The following CAB39 variants were observed in gnomAD, a reference collection of about 807,000 sequenced individuals.
CAB39 encodes calcium binding protein 39.
In CAB39, 8 loss-of-function variants were observed where a neutral mutation model predicts 40.0. That is an observed-to-expected ratio of 0.20 (90% CI 0.12 to 0.36). CAB39 has a LOEUF of 0.36. CAB39 is among the 10% of genes least tolerant of loss of function. The pLI, the probability that CAB39 is intolerant of heterozygous loss-of-function variation, is 1.00. For missense variants in CAB39, 270 were observed against 401.1 expected, an observed-to-expected ratio of 0.67 and a Z score of 2.79; for synonymous variants, 156 against 141.6, an observed-to-expected ratio of 1.10 and a Z score of -0.72.
rs75867103 is a variant in CAB39, at chr2:230,766,885, A to G, written c.114+6770A>G. ...AACAGATATCCCAATCATATCACCA[A>G]CCATATCTAGAAAATGTAATTTTAC... is the stretch of plus-strand genomic sequence containing the variant. On this transcript the variant is annotated intron_variant, in intron 2 of 8. Transcript: ENST00000258418. 8.4e-3 allele frequency among the ~76,000 whole-genome samples: 1,272 copies of G among 152,292 alleles called. 9 individuals are homozygous for G. Among genetic ancestry groups the G allele is most frequent in the African/African-American group, 0.024 (993 of 41,560 alleles).
chr2:230,755,675 A>G (rs1025356078), intron 1 of CAB39, among the ~76,000 whole-genome samples: 1 of 152,056 alleles, frequency 6.6e-6, no homozygotes, highest in Non-Finnish European at 1.5e-5. Context: ...CTTTTATTAC[A>G]TTTGCTTTTG....
chr2:230,762,007 G>A (rs1009682603), intron 2 of CAB39, among the ~76,000 whole-genome samples: 3 of 151,904 alleles, frequency 2.0e-5, no homozygotes, highest in Middle Eastern at 3.4e-3. Flanking sequence ...TTCCATGTTC[G>A]AGCAGTTCTC....
intron 1 of CAB39, chr2:230,714,119 T>G (rs552968444): frequency 6.6e-6 from 1 of 152,104 alleles, no homozygotes; most frequent in African/African-American, 2.4e-5. Flanking sequence ...ATAATTCCGT[T>G]TGTTGGCATG....
intron 1 of CAB39, among the ~76,000 whole-genome samples, chr2:230,741,237 A>G (rs1462687335): frequency 6.6e-6 from 1 of 152,224 alleles, no homozygotes; most frequent in East Asian, 1.9e-4. Flanking sequence ...GACACCACAC[A>G]GGTTAGTGTG....
At chr2:230,777,986 C>G (rs1695623563) in intron 2 of CAB39, among the ~76,000 whole-genome samples, 1 of 152,116 alleles carries the variant, frequency 6.6e-6, no homozygotes, top group South Asian at 2.1e-4. Flanking sequence ...ATTTATTTTC[C>G]TACCAGTGGC....
At chr2:230,783,410 G>A (rs965638836) in intron 2 of CAB39, among the ~76,000 whole-genome samples, 3 of 150,350 alleles carry the variant, frequency 2.0e-5, no homozygotes, top group African/African-American at 4.9e-5. Flanking sequence ...TTATTTCGTT[G>A]CCCGTTCTTA....
At chr2:230,774,222 A>G (rs2124935512) in intron 2 of CAB39, among the ~76,000 whole-genome samples, 1 of 152,278 alleles carries the variant, frequency 6.6e-6, no homozygotes, top group Non-Finnish European at 1.5e-5. Context: ...GGCTTTTTCC[A>G]TCCATTTCTT....
intron 6 of CAB39, among the ~76,000 whole-genome samples, chr2:230,813,687 C>T (rs978825996): frequency 2.0e-5 from 3 of 152,058 alleles, no homozygotes; most frequent in East Asian, 3.9e-4. Flanking sequence ...TGAGAGCAGA[C>T]TCAACAAGCA....
intron 1 of CAB39, among the ~76,000 whole-genome samples, chr2:230,729,182 G>C (rs980897653): frequency 6.6e-6 from 1 of 152,142 alleles, no homozygotes; most frequent in Non-Finnish European, 1.5e-5. Context: ...ACCCTTGGGC[G>C]GTTTGCACCA....
chr2:230,714,414 C>T, intron 1 of CAB39, among the ~76,000 whole-genome samples: 1 of 152,168 alleles, frequency 6.6e-6, no homozygotes, highest in Admixed American at 6.5e-5. Context: ...CCAGGCTAAG[C>T]AAAGTACCTT....
At chr2:230,790,242 C>CAA (rs201133394) in intron 2 of CAB39, among the ~76,000 whole-genome samples, 57 of 145,524 alleles carry the variant, frequency 3.9e-4, no homozygotes, top group South Asian at 1.5e-3. Context: ...GACCCTGTCT[C>CAA]AAAAAAAAAA....
intron 7 of CAB39, among the ~76,000 whole-genome samples, chr2:230,816,912 C>T (rs1352199137): frequency 6.6e-6 from 1 of 152,232 alleles, no homozygotes; most frequent in Admixed American, 6.5e-5. Context: ...CTCCACAGCT[C>T]TGCCACCGCC....
At chr2:230,770,946 G>A (rs549367989) in intron 2 of CAB39, among the ~76,000 whole-genome samples, 2 of 152,208 alleles carry the variant, frequency 1.3e-5, no homozygotes, top group African/African-American at 4.8e-5. Context: ...TACATATGGT[G>A]AAAGGCTAAG....
Position 230,818,531 on chromosome 2 carries a change from C to A in CAB39, c.853C>A (p.Pro285Thr). The A allele has an allele frequency of 6.2e-7, 1 of 1,613,854 alleles. No homozygotes were observed. The highest frequency in any genetic ancestry group is 8.5e-7 in the Non-Finnish European group (1 of 1,179,916). ...CTCCACGCAGGTGTTTGTAGCCAAT[C>A]CTAACAAGACGCAGCCCATCCTAGA... ...FHVFKVFVAN[P>T]NKTQPILDIL... is the part of the protein sequence containing the mutation. Residue 285 changes from proline to threonine, a missense_variant, in exon 9 of 9, where the codon CCT becomes ACT. Transcript: ENST00000258418.
chr2:230,729,959 A>T (rs568708670), intron 1 of CAB39, among the ~76,000 whole-genome samples: 8 of 152,036 alleles, frequency 5.3e-5, no homozygotes, highest in African/African-American at 1.4e-4. Flanking sequence ...AAATGAGAAA[A>T]TTTTTCCAGG....
chr2:230,799,704 A>G (rs947017154), intron 5 of CAB39, among the ~76,000 whole-genome samples: 2 of 152,200 alleles, frequency 1.3e-5, no homozygotes, highest in Non-Finnish European at 1.5e-5. Flanking sequence ...ATATAAACCA[A>G]TACTTGCCAG....
chr2:230,814,542 G>C (rs1195928080), intron 7 of CAB39, among the ~76,000 whole-genome samples: 1 of 152,104 alleles, frequency 6.6e-6, no homozygotes, highest in Non-Finnish European at 1.5e-5. Context: ...ATCAAAGCAG[G>C]ATATCCTTTG....
chr2:230,791,565 G>A (rs768169348), intron 3 of CAB39, among the ~76,000 whole-genome samples: 3 of 152,062 alleles, frequency 2.0e-5, no homozygotes, highest in Admixed American at 6.5e-5. Flanking sequence ...ATTTATACAC[G>A]GTCTGAATTT....
chr2:230,814,547 C>G (rs1415845556), intron 7 of CAB39, among the ~76,000 whole-genome samples: 2 of 152,022 alleles, frequency 1.3e-5, no homozygotes, highest in Non-Finnish European at 2.9e-5. Context: ...AGCAGGATAT[C>G]CTTTGCAAGT....
Sources: gnomAD v4.1 joint callset for allele counts (sites outside exome capture counted in the v4.1 genomes callset) on GRCh38, gnomAD v4.1.1 for gene constraint, MANE v1.5 for transcripts, NCBI Gene and HGNC (gene_info 2026-07-23, HGNC 2026-07-21) for gene names.